Variants in C1S observed in about 807,000 individuals in gnomAD.
C1S encodes complement C1s.
In C1S, 31 loss-of-function variants were observed where a neutral mutation model predicts 54.0. The observed-to-expected ratio is 0.57, with a 90% CI of 0.43 to 0.78. The LOEUF is 0.78. C1S is among the 30% of genes least tolerant of loss of function. The pLI is 0.00. For missense variants in C1S, 727 were observed against 851.8 expected (o/e 0.85, Z 1.82); for synonymous variants, 292 against 303.6 (o/e 0.96, Z 0.40).
chr12:7,062,840 A>T lies in C1S; in HGVS notation c.214-50A>T, dbSNP rs782584737. The T allele has an allele frequency of 6.8e-5, 108 of 1,596,360 alleles. 1 individual carries two copies. The highest frequency in any genetic ancestry group is 1.3e-4 in the African/African-American group (10 of 74,546). ...TCTCTGTCCCTTCTTTTAACTCCATACCAAAATATTACCCTTTCCTAGATT... is the reference window on the plus strand; with the variant it reads ...TCTCTGTCCCTTCTTTTAACTCCATTCCAAAATATTACCCTTTCCTAGATT... On this transcript the variant is annotated intron_variant, in intron 3 of 11. Transcript: ENST00000360817.
chr12:7,063,261 A>G lies in C1S; in HGVS notation c.391+194A>G, dbSNP rs1947123975. 4 of 609,536 alleles carry G rather than the reference A, an allele frequency of 6.6e-6. No homozygotes were observed. In the South Asian group the frequency reaches 7.5e-5, roughly 11 times the overall value. The allele number at this position is 609,536 out of a possible 1,614,324, so 37.8% of individuals were successfully genotyped here. A position where few individuals can be genotyped will look rare whatever the true frequency, so the allele number is the denominator to read the frequency against. ...TCATATCTTAGTGGTGATGATGATC[A>G]TGGTAATAACACATAGTACATAATA... On this transcript the variant is annotated intron_variant, in intron 4 of 11. Coordinates refer to ENST00000360817, the MANE Select transcript of C1S (RefSeq NM_001734.5).
At chr12:7,066,344 G>T (rs1229784737) in intron 7 of C1S, 174 bp from the exon 8 acceptor site, 2 of 681,838 alleles carry the variant, frequency 2.9e-6, no homozygotes, top group Admixed American at 2.1e-5. Context: ...ACAGCTTGCG[G>T]GTGGTTAGTT....
At chr12:7,062,404 G>A in intron 2 of C1S, 71 bp from the exon 3 acceptor site, 2 of 1,134,944 alleles carry the variant, frequency 1.8e-6, no homozygotes, top group East Asian at 2.3e-5. Context: ...TTCTGCCTCT[G>A]GCAAATAGCG....
At chr12:7,063,395 G>T (rs782385607) in intron 4 of C1S, 1 of 471,704 alleles carries the variant, frequency 2.1e-6, no homozygotes, top group Admixed American at 2.4e-5. Context: ...GGTATTATTT[G>T]CTCCATATAA....
chr12:7,070,216 C>T lies in C1S; in HGVS notation c.1632C>T (p.Thr544=), dbSNP rs140524695. Residue 544 remains threonine (T), a synonymous_variant, in exon 12 of 12, where the codon ACC becomes ACT. Transcript: ENST00000360817. The surrounding 1 kb of genome is among the most constrained non-coding windows in gnomAD (Gnocchi z 4.9). The part of the protein sequence containing the change: ...RLKDPVKMGP[T]VSPICLPGTS... ...AAGACCCAGTGAAAATGGGACCCACCGTCTCTCCCATCTGCCTACCAGGCA... is the reference window on the plus strand; with the variant it reads ...AAGACCCAGTGAAAATGGGACCCACTGTCTCTCCCATCTGCCTACCAGGCA... 1.8e-5 allele frequency: 29 copies of T among 1,613,976 alleles called. No homozygotes were observed. Among genetic ancestry groups the T allele is most frequent in the African/African-American group, 1.7e-4 (13 of 74,938 alleles).
In C1S at chr12:7,070,264, G is replaced by C; in HGVS notation, c.1680G>C (p.Met560Ile). The C allele has an allele frequency of 6.2e-7, 1 of 1,614,194 alleles. No individual in the cohort carries two copies. Among genetic ancestry groups the C allele is most frequent in the Non-Finnish European group, 8.5e-7 (1 of 1,180,010 alleles). The change falls in exon 12 of 12, where the codon ATG becomes ATC. Residue 560 changes from methionine to isoleucine, a missense_variant. Physicochemically the swap from Met to Ile is conservative, Grantham distance 10 (BLOSUM62 1). This residue lies in a region of C1S where 360 missense variants were observed against 453.6 expected (regional missense o/e 0.79). Transcript: ENST00000360817. This position sits in a 1 kb window ranked among gnomAD's most constrained non-coding sequence, Gnocchi z 4.9. ...LPGTSSDYNL[M>I]DGDLGLISGW... ...GCACCTCTTCCGACTACAACCTCATGGATGGGGACCTGGGACTGATCTCAG... is the reference window on the plus strand; with the variant it reads ...GCACCTCTTCCGACTACAACCTCATCGATGGGGACCTGGGACTGATCTCAG...
intron 8 of C1S, 117 bp downstream of exon 8, chr12:7,066,750 A>T: frequency 1.3e-6 from 1 of 749,126 alleles, no homozygotes; most frequent in Non-Finnish European, 2.4e-6. Flanking sequence ...CACCTTTCCC[A>T]TAAACACAAC....
Position 7,066,499 on chromosome 12 carries a change from C to A in C1S, c.872-19C>A. The A allele has an allele frequency of 6.9e-7, 1 of 1,450,228 alleles. No individual in the cohort carries two copies. The highest frequency in any genetic ancestry group is 9.7e-7 in the Non-Finnish European group (1 of 1,030,328). 89.8% of individuals were successfully genotyped at this position (1,450,228 alleles called of 1,614,324 possible). A position where few individuals can be genotyped will look rare whatever the true frequency, so the allele number is the denominator to read the frequency against. On this transcript the variant is annotated intron_variant, in intron 7 of 11. Transcript: ENST00000360817. ...ATTTAGTAATTTTTTCCTCCTGTCCCAACTTCTGTTCTTTCAAGCAATGCC... is the reference window on the plus strand; with the variant it reads ...ATTTAGTAATTTTTTCCTCCTGTCCAAACTTCTGTTCTTTCAAGCAATGCC...
intron 1 of C1S, chr12:7,061,265 A>G (rs1947084246): frequency 6.4e-6 from 1 of 156,998 alleles, no homozygotes; most frequent in Non-Finnish European, 1.4e-5. Flanking sequence ...TCAGTGGGGC[A>G]GCACTTCCTT....
intron 5 of C1S, among the ~76,000 whole-genome samples, chr12:7,064,880 G>C (rs1555161851): frequency 6.6e-6 from 1 of 152,144 alleles, no homozygotes; most frequent in Non-Finnish European, 1.5e-5. Context: ...AACCAGAAAG[G>C]CTCCATCCTA....
At chr12:7,063,554 G>A in intron 4 of C1S, 1 of 322,334 alleles carries the variant, frequency 3.1e-6, no homozygotes, top group Non-Finnish European at 6.3e-6. Flanking sequence ...ATGAAGCTAG[G>A]ACATCTCATA....
chr12:7,067,507 G>T (rs1055821176), intron 9 of C1S, 136 bp from the exon 10 acceptor site: 5 of 949,458 alleles, frequency 5.3e-6, no homozygotes. Flanking sequence ...CCACAGAGAG[G>T]CTGGTGTGGG....
Position 7,065,142 on chromosome 12 carries a change from T to C in C1S, c.560T>C (p.Ile187Thr). ...GTATTCACTGCACTGATTGGGGAGA[T>C]TGCAAGTCCCAATTATCCCAAACCA... ...GDVFTALIGE[I>T]ASPNYPKPYP... The change falls in exon 6 of 12, where the codon ATT (isoleucine) becomes ACT (threonine). Residue 187 changes from isoleucine (I) to threonine (T), a missense_variant. Ile to Thr is a moderately conservative substitution (Grantham distance 89). This residue lies in a region of C1S where 357 missense variants were observed against 365.4 expected (regional missense o/e 0.98). Coordinates refer to ENST00000360817, the MANE Select transcript of C1S (RefSeq NM_001734.5). The C allele has an allele frequency of 1.2e-6, 2 of 1,614,064 alleles. No homozygotes were observed. Among genetic ancestry groups the C allele is most frequent in the Non-Finnish European group, 1.7e-6 (2 of 1,179,990 alleles).
chr12:7,068,566 C>T, intron 11 of C1S, 36 bp downstream of exon 11: 1 of 1,441,848 alleles, frequency 6.9e-7, no homozygotes, highest in Non-Finnish European at 9.8e-7. Context: ...AGATGATAGC[C>T]ATGGGTGACT....
rs1947140513 is a variant in C1S, at chr12:7,064,262, T to C, written c.392-5T>C. 1 of 1,614,070 alleles carries C rather than the reference T, an allele frequency of 6.2e-7. No homozygotes were observed. The highest frequency in any genetic ancestry group is 1.3e-5 in the African/African-American group (1 of 75,052). ...TTGACCTCAGCCTCTTTCTACTCTTTGTAGACATAAATGAATGCACAGATT... is the reference window on the plus strand; with the variant it reads ...TTGACCTCAGCCTCTTTCTACTCTTCGTAGACATAAATGAATGCACAGATT... On this transcript the variant is annotated splice_polypyrimidine_tract_variant and splice_region_variant and intron_variant, in intron 4 of 11. Transcript: ENST00000360817.
intron 7 of C1S, 81 bp downstream of exon 7, chr12:7,066,051 A>G: frequency 7.9e-7 from 1 of 1,272,870 alleles, no homozygotes; most frequent in Non-Finnish European, 1.1e-6. Flanking sequence ...TAGATGATCC[A>G]GGCACACTGG....
chr12:7,066,666 TG>T, intron 8 of C1S, 33 bp downstream of exon 8: 3 of 1,275,800 alleles, frequency 2.4e-6, no homozygotes, highest in Non-Finnish European at 3.4e-6. Context: ...CCCCAGTCCC[TG>T]GCCCCAGATC....
Position 7,065,955 on chromosome 12 carries a change from C to G in C1S, c.856C>G (p.Arg286Gly), listed in dbSNP as rs781853358. 1 of 1,613,938 alleles carries G rather than the reference C, an allele frequency of 6.2e-7. No individual in the cohort carries two copies. The highest frequency in any genetic ancestry group is 1.1e-5 in the South Asian group (1 of 91,082). The change falls in exon 7 of 12, where the codon CGC becomes GGC. Residue 286 changes from arginine to glycine, a missense_variant. Physicochemically the swap from Arg to Gly is moderately radical, Grantham distance 125. Coordinates refer to ENST00000360817, the MANE Select transcript of C1S (RefSeq NM_001734.5). ...AGGGCAAAAAAAGGGCTGGAAACTT[C>G]GCTATCATGGAGATCGTGAGTAACT... ...LTGQKKGWKLRYHGDPMPCPK... is the reference protein window; with the variant it reads ...LTGQKKGWKLGYHGDPMPCPK...
intron 5 of C1S, 91 bp from the exon 6 acceptor site, chr12:7,065,009 T>A: frequency 8.8e-7 from 1 of 1,130,188 alleles, no homozygotes; most frequent in Non-Finnish European, 1.3e-6. Context: ...TGCAGGACTG[T>A]CAGTTTCTGA....
Sources: gnomAD v4.1 joint callset for allele counts (sites outside exome capture counted in the v4.1 genomes callset) on GRCh38, gnomAD v4.1.1 for gene constraint, gnomAD v4.1.1 regional missense constraint, Gnocchi (gnomAD v3.1) non-coding constraint, MANE v1.5 for transcripts, NCBI Gene and HGNC (gene_info 2026-07-23, HGNC 2026-07-21) for gene names.